The following UST variants were observed in gnomAD, a reference collection of about 807,000 sequenced individuals.
UST encodes chondroitin sulfate 2-O-sulfotransferase.
A neutral mutation model predicts 45.6 loss-of-function variants in UST; 21 were observed. That is an observed-to-expected ratio of 0.46 (90% CI 0.33 to 0.66). UST has a LOEUF of 0.66. UST is among the 30% of genes least tolerant of loss of function. The pLI, the probability that UST is intolerant of heterozygous loss-of-function variation, is 0.02. For missense variants in UST, 463 were observed against 512.4 expected (o/e 0.90, Z 0.93); for synonymous variants, 215 against 200.6 (o/e 1.07, Z -0.61).
intron 7 of UST, among the ~76,000 whole-genome samples, chr6:149,049,031 T>A (rs566282759): frequency 5.3e-5 from 8 of 152,140 alleles, no homozygotes; most frequent in Non-Finnish European, 7.3e-5. Flanking sequence ...ACCTTGATTG[T>A]GGTAGTAGGG....
intron 4 of UST, among the ~76,000 whole-genome samples, chr6:148,963,135 TG>T (rs1226742210): frequency 6.6e-6 from 1 of 152,140 alleles, no homozygotes; most frequent in African/African-American, 2.4e-5. Flanking sequence ...GCATGGACCC[TG>T]GGTTGGGCAT....
intron 5 of UST, among the ~76,000 whole-genome samples, chr6:148,969,476 C>G (rs969825336): frequency 6.6e-6 from 1 of 152,128 alleles, no homozygotes; most frequent in African/African-American, 2.4e-5. Context: ...CTCTGTGAAC[C>G]TTGCTTGTCT....
chr6:148,787,197 CTTTAG>C (rs528248175), intron 1 of UST, among the ~76,000 whole-genome samples: 22 of 152,130 alleles, frequency 1.4e-4, no homozygotes, highest in Non-Finnish European at 2.8e-4. Context: ...TGCAGAAGCT[CTTTAG>C]TTTAATTAGA....
intron 1 of UST, among the ~76,000 whole-genome samples, chr6:148,807,130 A>C (rs187452354): frequency 6.6e-6 from 1 of 152,188 alleles, no homozygotes; most frequent in Admixed American, 6.5e-5. Context: ...CCCCCAAAAG[A>C]GGGAGAGTTA....
At chr6:148,963,604 G>A (rs1780714637) in intron 4 of UST, among the ~76,000 whole-genome samples, 1 of 152,190 alleles carries the variant, frequency 6.6e-6, no homozygotes, top group Non-Finnish European at 1.5e-5. Flanking sequence ...ATCACTTGAG[G>A]ATAATTATGT....
chr6:149,074,467 A>T lies in UST; in HGVS notation c.*351A>T. On this transcript the variant is annotated 3_prime_UTR_variant, in exon 8 of 8. Transcript: ENST00000367463. ...TTGTAAAATGACTTATAAAAATATT[A>T]CCTCAATGGTAGGAGACATCCAGAC... 1 of 254,850 alleles carries T rather than the reference A, an allele frequency of 3.9e-6. No homozygotes were observed. Among genetic ancestry groups the T allele is most frequent in the Non-Finnish European group, 7.6e-6 (1 of 131,654 alleles). The allele number at this position is 254,850 out of a possible 1,614,324, so 15.8% of individuals were successfully genotyped here.
chr6:149,000,100 A>C (rs1781519085), intron 5 of UST, among the ~76,000 whole-genome samples: 1 of 152,194 alleles, frequency 6.6e-6, no homozygotes, highest in Non-Finnish European at 1.5e-5. Context: ...TGTCCTGGCC[A>C]ACAAGAGGGC....
chr6:148,782,916 T>C (rs1776670851), intron 1 of UST, among the ~76,000 whole-genome samples: 1 of 152,260 alleles, frequency 6.6e-6, no homozygotes, highest in African/African-American at 2.4e-5. Flanking sequence ...GGCTCTAGTT[T>C]TGAAAGAAGT....
chr6:148,975,820 A>G (rs190943651), intron 5 of UST, among the ~76,000 whole-genome samples: 2 of 152,330 alleles, frequency 1.3e-5, no homozygotes, highest in South Asian at 2.1e-4. Flanking sequence ...AAGGATGTGT[A>G]TCTGAGCCAC....
intron 3 of UST, among the ~76,000 whole-genome samples, chr6:148,948,423 A>G (rs1780291788): frequency 6.6e-6 from 1 of 152,248 alleles, no homozygotes; most frequent in African/African-American, 2.4e-5. Context: ...CTGTGTTGGT[A>G]GAACTGCAGG....
chr6:148,848,411 G>A (rs887513360), intron 1 of UST, among the ~76,000 whole-genome samples: 16 of 152,178 alleles, frequency 1.1e-4, no homozygotes, highest in Non-Finnish European at 1.6e-4. Context: ...GGTGGCTCAC[G>A]CCAGTAATCC....
At position 148,841,499 on chromosome 6, in the gene UST, A is replaced by G. The variant is rs367761387; in HGVS notation, c.248-45487A>G. 6.6e-5 allele frequency among the ~76,000 whole-genome samples: 10 copies of G among 151,814 alleles called. No homozygotes were observed. The East Asian group carries it at 7.7e-4, about 12-fold the overall frequency. ...TCTACTTTGGTTTAATTACTATTTG[A>G]TAATTACTATTTAAAAATTTCAAAG... On this transcript the variant is annotated intron_variant, in intron 1 of 7. Transcript: ENST00000367463.
At chr6:149,063,452 T>C (rs1475485561) in intron 7 of UST, among the ~76,000 whole-genome samples, 1 of 152,138 alleles carries the variant, frequency 6.6e-6, no homozygotes, top group African/African-American at 2.4e-5. Flanking sequence ...AAAGTATTGA[T>C]GAATTAAAGT....
At chr6:148,799,310 G>A (rs952302185) in intron 1 of UST, among the ~76,000 whole-genome samples, 1 of 152,226 alleles carries the variant, frequency 6.6e-6, no homozygotes, top group Non-Finnish European at 1.5e-5. Flanking sequence ...GGATGGGGGA[G>A]TTATTTGCTT....
chr6:148,912,814 C>A (rs1779501559), intron 2 of UST, among the ~76,000 whole-genome samples: 1 of 152,180 alleles, frequency 6.6e-6, no homozygotes, highest in African/African-American at 2.4e-5. Flanking sequence ...TACAGAATGC[C>A]AACAAGGTGG....
chr6:149,058,344 C>CGTGT (rs768018530), intron 7 of UST, among the ~76,000 whole-genome samples: 4,419 of 126,704 alleles, frequency 0.035, 114 homozygotes, highest in Non-Finnish European at 0.05. Context: ...AAAGGAGGAG[C>CGTGT]ATGTGTGTGT....
intron 7 of UST, among the ~76,000 whole-genome samples, chr6:149,040,483 C>T (rs575121698): frequency 2.9e-4 from 44 of 152,018 alleles, no homozygotes; most frequent in African/African-American, 1.0e-3. Flanking sequence ...GGTAAAACAC[C>T]GTCTCTACTA....
At chr6:148,858,026 AAT>A (rs1778236816) in intron 1 of UST, among the ~76,000 whole-genome samples, 1 of 152,236 alleles carries the variant, frequency 6.6e-6, no homozygotes, top group Admixed American at 6.5e-5. Context: ...TATATTGTGT[AAT>A]GCAAACATAC....
chr6:148,931,244 G>A (rs1248494264), intron 2 of UST, among the ~76,000 whole-genome samples: 1 of 152,206 alleles, frequency 6.6e-6, no homozygotes, highest in African/African-American at 2.4e-5. Context: ...GAGTTTTGAG[G>A]TTGGACTCAG....
Sources: gnomAD v4.1 joint callset for allele counts (sites outside exome capture counted in the v4.1 genomes callset) on GRCh38, gnomAD v4.1.1 for gene constraint, MANE v1.5 for transcripts, NCBI Gene and HGNC (gene_info 2026-07-23, HGNC 2026-07-21) for gene names.